The following TMEM184B variants were observed in gnomAD, a reference collection of about 807,000 sequenced individuals.
TMEM184B encodes the protein putative MAPK-activating protein FM08.
TMEM184B carries 17 observed loss-of-function variants against 41.8 expected under a neutral mutation model. The ratio of observed to expected loss-of-function variants is 0.41; its 90% CI spans 0.28 to 0.61. TMEM184B has a LOEUF of 0.61. TMEM184B is among the 20% of genes least tolerant of loss of function. The pLI, the probability that TMEM184B is intolerant of heterozygous loss-of-function variation, is 0.34. For synonymous variants in TMEM184B, 240 were observed against 229.5 expected, an observed-to-expected ratio of 1.05 and a Z score of -0.41; for missense variants, 393 against 557.8, an observed-to-expected ratio of 0.70 and a Z score of 2.98.
chr22:38,264,576 G>C (rs1278130902), intron 1 of TMEM184B, among the ~76,000 whole-genome samples: 3 of 152,094 alleles, frequency 2.0e-5, no homozygotes, highest in Non-Finnish European at 4.4e-5. Context: ...TCTGCTCCTG[G>C]GTCCATCACA....
At chr22:38,217,843 A>AAAAAAAG (rs1555889280), downstream of TMEM184B, among the ~76,000 whole-genome samples, 9 of 136,198 alleles carry the variant, frequency 6.6e-5, no homozygotes, top group Non-Finnish European at 1.0e-4. Flanking sequence ...AAAAAAAAAA[A>AAAAAAAG]AAAAGAAAAG....
intron 4 of TMEM184B, 117 bp from the exon 5 acceptor site, chr22:38,230,861 G>T: frequency 1.0e-6 from 1 of 1,000,396 alleles, no homozygotes; most frequent in South Asian, 1.4e-5. Flanking sequence ...ACACATTCTG[G>T]GCAGACTTTG....
chr22:38,225,388 G>A lies in TMEM184B; in HGVS notation c.787+36C>T. ...AGCAGGAAGCGCAGAGGACAGGGTGGCATGGGCAGCCTCCAGGTGCTGGGA... is the reference window on the plus strand; with the variant it reads ...AGCAGGAAGCGCAGAGGACAGGGTGACATGGGCAGCCTCCAGGTGCTGGGA... On this transcript the variant is annotated intron_variant, in intron 7 of 8. Transcript: ENST00000361906. This position sits in a 1 kb window ranked among gnomAD's most constrained non-coding sequence, Gnocchi z 4.4. 6.5e-7 allele frequency: 1 copy of A among 1,530,142 alleles called. No individual in the cohort carries two copies. Among genetic ancestry groups the A allele is most frequent in the Non-Finnish European group, 8.8e-7 (1 of 1,142,134 alleles). The allele number at this position is 1,530,142 out of a possible 1,614,324, so 94.8% of individuals were successfully genotyped here.
At chr22:38,231,367 A>G (rs1339806922) in intron 3 of TMEM184B, 33 bp from the exon 4 acceptor site, 2 of 1,545,098 alleles carry the variant, frequency 1.3e-6, no homozygotes, top group African/African-American at 2.7e-5. Context: ...AAACCAGTCA[A>G]ATCAGCAGAA....
In TMEM184B at chr22:38,219,852, C is replaced by A. The variant is rs968740928; in HGVS notation, c.*1617G>T. The stretch of plus-strand genomic sequence containing the variant: ...AGCTTGGGCCCAACTGCTCCGCCCC[C>A]CCAAGATGGAGGGGGAGAGCTGGCC... On this transcript the variant is annotated 3_prime_UTR_variant, in exon 9 of 9. Coordinates refer to ENST00000361906, the MANE Select transcript of TMEM184B (RefSeq NM_012264.5). 1.0e-6 allele frequency: 1 copy of A among 985,468 alleles called. No individual in the cohort carries two copies. Among genetic ancestry groups the A allele is most frequent in the Non-Finnish European group, 1.2e-6 (1 of 829,976 alleles). The allele number at this position is 985,468 out of a possible 1,614,324, so 61.0% of individuals were successfully genotyped here. A position where few individuals can be genotyped will look rare whatever the true frequency, so the allele number is the denominator to read the frequency against.
intron 5 of TMEM184B, among the ~76,000 whole-genome samples, chr22:38,228,338 GC>G (rs1437081951): frequency 6.6e-6 from 1 of 152,226 alleles, no homozygotes; most frequent in Non-Finnish European, 1.5e-5. Context: ...ACTCATGACA[GC>G]CCCCTGACGT....
intron 3 of TMEM184B, among the ~76,000 whole-genome samples, chr22:38,238,212 T>C (rs2091825996): frequency 1.3e-5 from 2 of 151,660 alleles, no homozygotes; most frequent in Non-Finnish European, 1.5e-5. Context: ...TTTCTGCACT[T>C]GGATCTATCA....
chr22:38,270,048 A>G (rs781216149), intron 1 of TMEM184B, among the ~76,000 whole-genome samples: 4 of 152,188 alleles, frequency 2.6e-5, no homozygotes, highest in Non-Finnish European at 5.9e-5. Flanking sequence ...ATCAAGTTCA[A>G]ACTCCTTGGC....
intron 1 of TMEM184B, among the ~76,000 whole-genome samples, chr22:38,253,303 C>T (rs981572179): frequency 6.6e-6 from 1 of 152,066 alleles, no homozygotes; most frequent in African/African-American, 2.4e-5. Context: ...GGTGCGGTGG[C>T]GAAGACCTGT....
chr22:38,234,938 G>T (rs1449029109), intron 3 of TMEM184B, among the ~76,000 whole-genome samples: 2 of 152,204 alleles, frequency 1.3e-5, no homozygotes, highest in African/African-American at 4.8e-5. Flanking sequence ...GGTGGGGTCA[G>T]GGGCTGTGAA....
chr22:38,241,782 G>A (rs2145661214), intron 3 of TMEM184B, among the ~76,000 whole-genome samples: 1 of 150,992 alleles, frequency 6.6e-6, no homozygotes, highest in Admixed American at 6.6e-5. Context: ...TACTCAGGAG[G>A]CTGAGGCAGG....
In TMEM184B at chr22:38,263,466, T is replaced by C. The variant is rs527999041; in HGVS notation, c.-59+9418A>G. Among the ~76,000 whole-genome samples, 3 of 152,304 alleles carry C rather than the reference T, an allele frequency of 2.0e-5. No individual in the cohort carries two copies. In the South Asian group the frequency reaches 6.2e-4, roughly 32 times the overall value. On this transcript the variant is annotated intron_variant, in intron 1 of 8. Coordinates refer to ENST00000361906, the MANE Select transcript of TMEM184B (RefSeq NM_012264.5). The stretch of plus-strand genomic sequence containing the variant: ...CTCGGCAATCCACCTTGCTGCTCAA[T>C]CCGGCACAGTGCGTTGAGCGTCCAT...
chr22:38,220,195 G>A lies in TMEM184B; in HGVS notation c.*1274C>T. 1 of 985,456 alleles carries A rather than the reference G, an allele frequency of 1.0e-6. No homozygotes were observed. Among genetic ancestry groups the A allele is most frequent in the Non-Finnish European group, 1.2e-6 (1 of 829,922 alleles). The allele number at this position is 985,456 out of a possible 1,614,324, so 61.0% of individuals were successfully genotyped here. A position where few individuals can be genotyped will look rare whatever the true frequency, so the allele number is the denominator to read the frequency against. On this transcript the variant is annotated 3_prime_UTR_variant, in exon 9 of 9. Transcript: ENST00000361906. ...GCCCAGCCTGCTGGGGGTTCCGGAGGCCCCAGGTCTAGAGGTGTGGAGGGG... is the reference window on the plus strand; with the variant it reads ...GCCCAGCCTGCTGGGGGTTCCGGAGACCCCAGGTCTAGAGGTGTGGAGGGG...
intron 3 of TMEM184B, among the ~76,000 whole-genome samples, chr22:38,237,533 G>T (rs942474744): frequency 2.6e-5 from 4 of 152,240 alleles, no homozygotes; most frequent in African/African-American, 9.6e-5. Flanking sequence ...AAACACTCTG[G>T]TTACTTGGAA....
At chr22:38,246,661 TC>T in intron 2 of TMEM184B, 1 of 500,540 alleles carries the variant, frequency 2.0e-6, no homozygotes, top group Non-Finnish European at 3.0e-6. Flanking sequence ...TGCCTCCTCC[TC>T]CCATCTGGTA....
chr22:38,241,896 A>AAAAAAAAAAAAAAAAAAAAAAAAAAAAAC (rs2091917138), intron 3 of TMEM184B, among the ~76,000 whole-genome samples: 1 of 149,732 alleles, frequency 6.7e-6, no homozygotes, highest in Non-Finnish European at 1.5e-5. Context: ...AAAAAAAAAA[A>AAAAAAAAAAAAAAAAAAAAAAAAAAAAAC]AAAAAAAAAA....
At chr22:38,227,536 A>G (rs932652679) in intron 5 of TMEM184B, among the ~76,000 whole-genome samples, 69 of 151,868 alleles carry the variant, frequency 4.5e-4, no homozygotes, top group African/African-American at 1.6e-3. Context: ...TCCTAGCCCT[A>G]CTCTCTGGGC....
At position 38,225,743 on chromosome 22, in the gene TMEM184B, A is replaced by C. The variant is rs2145566141; in HGVS notation, c.618-150T>G. ...CTGAAGGGGTCAGAATGGGTGATCA[A>C]AGCGACAGACAGGGGTGGGGGTACA... On this transcript the variant is annotated intron_variant, in intron 6 of 8. Coordinates refer to ENST00000361906, the MANE Select transcript of TMEM184B (RefSeq NM_012264.5). This position sits in a 1 kb window ranked among gnomAD's most constrained non-coding sequence, Gnocchi z 4.4. 2.3e-6 allele frequency: 2 copies of C among 864,464 alleles called. No individual in the cohort carries two copies. The highest frequency in any genetic ancestry group is 3.3e-6 in the Non-Finnish European group (2 of 604,608). The allele number at this position is 864,464 out of a possible 1,614,324, so 53.5% of individuals were successfully genotyped here.
intron 8 of TMEM184B, 32 bp from the exon 9 acceptor site, chr22:38,221,742 G>A: frequency 6.2e-7 from 1 of 1,608,954 alleles, no homozygotes; most frequent in Non-Finnish European, 8.5e-7. Flanking sequence ...GGGCAGGTGA[G>A]GAGGCTGGGA....
Sources: allele counts gnomAD v4.1 joint callset (sites outside exome capture counted in the v4.1 genomes callset), GRCh38; gene constraint gnomAD v4.1.1; non-coding constraint Gnocchi (gnomAD v3.1); transcripts MANE v1.5; gene names NCBI Gene and HGNC (gene_info 2026-07-23, HGNC 2026-07-21).